Variants in GRIP1 observed in about 807,000 individuals in gnomAD.
The protein encoded by GRIP1 is glutamate receptor interacting protein 1.
Under a neutral mutation model 129.9 loss-of-function variants are expected in GRIP1, and 45 were observed. The ratio of observed to expected loss-of-function variants is 0.35; its 90% CI spans 0.27 to 0.44. The LOEUF is 0.44. GRIP1 is among the 20% of genes least tolerant of loss of function. The pLI, the probability that GRIP1 is intolerant of heterozygous loss-of-function variation, is 1.00. For synonymous variants in GRIP1, 530 were observed against 520.8 expected (o/e 1.02, Z -0.24); for missense variants, 1,196 against 1,396.8 (o/e 0.86, Z 2.29).
intron 1 of GRIP1, among the ~76,000 whole-genome samples, chr12:66,930,055 CTTTT>C (rs202119349): frequency 2.3e-5 from 3 of 128,770 alleles, no homozygotes; most frequent in African/African-American, 2.9e-5. Context: ...CTCTCTCTCT[CTTTT>C]TTTTTTTTTT....
upstream of GRIP1, among the ~76,000 whole-genome samples, chr12:66,807,982 T>G (rs1054733142): frequency 2.0e-5 from 3 of 151,582 alleles, no homozygotes; most frequent in Non-Finnish European, 4.4e-5. Flanking sequence ...TTCTTGGTTG[T>G]ATTATAATAG....
At chr12:66,478,780 C>CA (rs1388942348) in intron 7 of GRIP1, among the ~76,000 whole-genome samples, 1 of 151,924 alleles carries the variant, frequency 6.6e-6, no homozygotes, top group Non-Finnish European at 1.5e-5. Context: ...ATCACAAGGA[C>CA]AAAAAACCAA....
At chr12:66,838,820 T>C (rs1404721477) in intron 1 of GRIP1, among the ~76,000 whole-genome samples, 2 of 152,094 alleles carry the variant, frequency 1.3e-5, no homozygotes, top group East Asian at 1.9e-4. Flanking sequence ...GATGACAGAA[T>C]AGGCACAAGG....
intron 15 of GRIP1, among the ~76,000 whole-genome samples, chr12:66,419,177 T>C (rs12819045): frequency 0.094 from 14,291 of 152,178 alleles, 892 homozygotes; most frequent in Middle Eastern, 0.15. Context: ...TTATGTTCAA[T>C]GAAATAAACC....
intron 1 of GRIP1, among the ~76,000 whole-genome samples, chr12:66,661,459 C>CAA (rs576128556): frequency 0.024 from 1,034 of 43,112 alleles, 17 homozygotes; most frequent in African/African-American, 0.047. Flanking sequence ...TAGATTTTGG[C>CAA]AAAAAAAAAA....
chr12:66,464,384 G>A (rs1451906537), intron 8 of GRIP1, among the ~76,000 whole-genome samples: 1 of 152,132 alleles, frequency 6.6e-6, no homozygotes, highest in African/African-American at 2.4e-5. Flanking sequence ...TGGCATTGAA[G>A]CGAATGATGT....
rs145852371 is a variant in GRIP1, at chr12:66,573,869, G to GT, written c.136+22977dup. On this transcript the variant is annotated intron_variant, in intron 2 of 24. Coordinates refer to ENST00000359742, the MANE Select transcript of GRIP1 (RefSeq NM_001366722.1). The stretch of plus-strand genomic sequence containing the variant: ...TTCACCAGCCAAACGAGATGCTTCT[G>GT]TGTTTAGACGGTGACTGCTGAGAGG... Among the ~76,000 whole-genome samples, 690 of 152,302 alleles carry GT rather than the reference G, an allele frequency of 4.5e-3. 10 individuals are homozygous for GT. The highest frequency in any genetic ancestry group is 0.015 in the African/African-American group (641 of 41,570).
chr12:66,474,601 G>A (rs2059547504), intron 7 of GRIP1, among the ~76,000 whole-genome samples: 1 of 152,152 alleles, frequency 6.6e-6, no homozygotes, highest in Admixed American at 6.5e-5. Flanking sequence ...ACCCACAAAG[G>A]GAAGCCCATC....
At chr12:66,621,865 T>G (rs1473752494) in intron 1 of GRIP1, among the ~76,000 whole-genome samples, 1 of 152,208 alleles carries the variant, frequency 6.6e-6, no homozygotes, top group African/African-American at 2.4e-5. Context: ...TATCTTTTCT[T>G]GTGCTTATGG....
At chr12:66,613,662 C>T (rs765077805) in intron 1 of GRIP1, among the ~76,000 whole-genome samples, 6 of 152,020 alleles carry the variant, frequency 3.9e-5, no homozygotes, top group Admixed American at 1.3e-4. Flanking sequence ...AAGTGAAATA[C>T]GGCAAAAGAT....
At chr12:66,717,342 T>C (rs909404031) in intron 1 of GRIP1, among the ~76,000 whole-genome samples, 1 of 151,780 alleles carries the variant, frequency 6.6e-6, no homozygotes, top group African/African-American at 2.4e-5. Flanking sequence ...TCTCAAAATA[T>C]TGTTTAGTCA....
At chr12:66,638,362 T>C (rs958833559) in intron 1 of GRIP1, among the ~76,000 whole-genome samples, 3 of 152,220 alleles carry the variant, frequency 2.0e-5, no homozygotes, top group African/African-American at 7.2e-5. Flanking sequence ...AGGTATTACT[T>C]CTCCCATTTT....
chr12:66,350,171 C>CT (rs2054157899), intron 24 of GRIP1, among the ~76,000 whole-genome samples: 1 of 151,962 alleles, frequency 6.6e-6, no homozygotes, highest in South Asian at 2.1e-4. Context: ...GCTTTCAGTC[C>CT]TTTCCTGCCT....
At chr12:66,804,336 C>A (rs773242486), upstream of GRIP1, 9 of 216,250 alleles carry the variant, frequency 4.2e-5, no homozygotes, top group Non-Finnish European at 8.9e-5. Flanking sequence ...ATCAACACGG[C>A]GACTTTGGCC....
chr12:66,638,387 G>C (rs1378584261), intron 1 of GRIP1, among the ~76,000 whole-genome samples: 2 of 152,168 alleles, frequency 1.3e-5, no homozygotes, highest in Non-Finnish European at 2.9e-5. Flanking sequence ...ATTAAATAAA[G>C]AGAAAGAGGT....
chr12:66,697,733 G>A (rs1223980235), intron 1 of GRIP1, among the ~76,000 whole-genome samples: 2 of 152,168 alleles, frequency 1.3e-5, no homozygotes, highest in African/African-American at 4.8e-5. Flanking sequence ...CTAAATTCCA[G>A]GAGAGAAGGT....
intron 1 of GRIP1, among the ~76,000 whole-genome samples, chr12:66,619,921 T>G (rs919409543): frequency 3.3e-5 from 5 of 152,188 alleles, no homozygotes; most frequent in African/African-American, 1.2e-4. Context: ...TCCTTTGGGG[T>G]TGAACTTACT....
chr12:66,774,017 G>A (rs1334693157), intron 1 of GRIP1, among the ~76,000 whole-genome samples: 2 of 150,554 alleles, frequency 1.3e-5, no homozygotes, highest in Non-Finnish European at 3.0e-5. Context: ...GGTGCTAGAA[G>A]ATGGGAGTTA....
chr12:66,843,098 T>C (rs568127966), intron 1 of GRIP1, among the ~76,000 whole-genome samples: 24 of 152,074 alleles, frequency 1.6e-4, no homozygotes, highest in Non-Finnish European at 2.9e-4. Flanking sequence ...GAGAAAACAA[T>C]AGCAAAAAGA....
Sources: allele counts gnomAD v4.1 joint callset (sites outside exome capture counted in the v4.1 genomes callset), GRCh38; gene constraint gnomAD v4.1.1; transcripts MANE v1.5; gene names NCBI Gene and HGNC (gene_info 2026-07-23, HGNC 2026-07-21).